ZNF518B: variants seen among roughly 807,000 people sequenced by gnomAD.
ZNF518B encodes zinc finger protein 518B.
A neutral mutation model predicts 56.3 loss-of-function variants in ZNF518B; 23 were observed. That is an observed-to-expected ratio of 0.41 (90% CI 0.29 to 0.58). The LOEUF (loss-of-function observed/expected upper bound fraction) is 0.58, where lower values mean the gene tolerates loss of function less well. Ranked by LOEUF, ZNF518B falls within the 20% of genes least tolerant of loss-of-function variation. The pLI, the probability that ZNF518B is intolerant of heterozygous loss-of-function variation, is 0.32. For missense variants in ZNF518B, 1,460 were observed against 1,272.1 expected, an observed-to-expected ratio of 1.15 and a Z score of -2.25; for synonymous variants, 529 against 465.9, an observed-to-expected ratio of 1.14 and a Z score of -1.74.
At chr4:10,460,103 A>G (rs1264133678), upstream of ZNF518B, among the ~76,000 whole-genome samples, 1 of 151,706 alleles carries the variant, frequency 6.6e-6, no homozygotes, top group Non-Finnish European at 1.5e-5. Flanking sequence ...TCAGGAGTTC[A>G]AGAACAGCCT....
intron 2 of ZNF518B, among the ~76,000 whole-genome samples, chr4:10,450,628 C>G (rs1186186611): frequency 6.6e-6 from 1 of 152,192 alleles, no homozygotes; most frequent in African/African-American, 2.4e-5. Context: ...GTATACACAC[C>G]TGTGAAGCTG....
upstream of ZNF518B, among the ~76,000 whole-genome samples, chr4:10,460,260 G>A (rs906109996): frequency 3.9e-5 from 5 of 128,772 alleles, no homozygotes; most frequent in Non-Finnish European, 6.2e-5. Flanking sequence ...AGCCAAGAAC[G>A]AGCCACTGCA....
upstream of ZNF518B, among the ~76,000 whole-genome samples, chr4:10,460,324 CCAAAAAA>C (rs1715707550): frequency 5.7e-5 from 1 of 17,412 alleles, no homozygotes; most frequent in South Asian, 2.4e-3. Flanking sequence ...AAAAAAAAAA[CCAAAAAA>C]AAAAAAACCG....
At chr4:10,453,621 G>A (rs1171142348) in intron 2 of ZNF518B, 3 of 151,976 alleles carry the variant, frequency 2.0e-5, no homozygotes, top group Non-Finnish European at 4.4e-5. Flanking sequence ...ATACATATAT[G>A]GTAAAAATAA....
chr4:10,452,616 A>G (rs990702399), intron 2 of ZNF518B: 1 of 152,204 alleles, frequency 6.6e-6, no homozygotes, highest in Non-Finnish European at 1.5e-5. Context: ...GTGATGGGGA[A>G]GGCAGGACAT....
rs1476072030 is a variant in ZNF518B at position 10,446,466 on chromosome 4, C to T, written c.-138G>A. 3.9e-6 allele frequency: 3 copies of T among 761,876 alleles called. No homozygotes were observed. Among genetic ancestry groups the T allele is most frequent in the African/African-American group, 3.5e-5 (2 of 56,920 alleles). The allele number at this position is 761,876 out of a possible 1,614,324, so 47.2% of individuals were successfully genotyped here. On this transcript the variant is annotated 5_prime_UTR_variant, in exon 3 of 3. Transcript: ENST00000326756. ...CTTGGGTGCATACTTAATTATCTTT[C>T]TTTATATACTGCCGCAGTAGGTGCA...
intron 2 of ZNF518B, chr4:10,450,843 T>C (rs559625208): frequency 3.3e-5 from 5 of 152,372 alleles, no homozygotes; most frequent in African/African-American, 1.2e-4. Context: ...GACTTTCAGA[T>C]AGCTTAGGAA....
Position 10,446,398 on chromosome 4 carries a change from T to C in ZNF518B, c.-70A>G, listed in dbSNP as rs926077016. The C allele has an allele frequency of 1.2e-5, 17 of 1,439,476 alleles. No homozygotes were observed. The highest frequency in any genetic ancestry group is 1.5e-5 in the Non-Finnish European group (16 of 1,041,336). The allele number at this position is 1,439,476 out of a possible 1,614,324, so 89.2% of individuals were successfully genotyped here. A position where few individuals can be genotyped will look rare whatever the true frequency, so the allele number is the denominator to read the frequency against. ...TTCACATGATAAAATCCTTAGGAGA[T>C]ATCCTTCTATACAGTTTGTGATGGG... On this transcript the variant is annotated 5_prime_UTR_variant, in exon 3 of 3. It adds an upstream start codon to the 5' untranslated region. Transcript: ENST00000326756.
rs1004874706 is a variant in ZNF518B, at chr4:10,440,856, C to CAAACA, written c.*2243_*2247dup. On this transcript the variant is annotated 3_prime_UTR_variant, in exon 3 of 3. Transcript: ENST00000326756. ...TGAGGAATAGGAGATAAAAAAGTGGCAAACAAAACAAAACAAAAAAAAACC... is the reference window on the plus strand; with the variant it reads ...TGAGGAATAGGAGATAAAAAAGTGGCAAACAAAACAAAACAAAACAAAAAAAAACC... 1 of 151,814 alleles carries CAAACA rather than the reference C, an allele frequency of 6.6e-6. No homozygotes were observed. The highest frequency in any genetic ancestry group is 6.6e-5 in the Admixed American group (1 of 15,226). 9.4% of individuals were successfully genotyped at this position (151,814 alleles called of 1,614,324 possible).
upstream of ZNF518B, chr4:10,457,529 C>G (rs1251989427): frequency 6.6e-6 from 1 of 152,292 alleles, no homozygotes; most frequent in East Asian, 1.9e-4. Flanking sequence ...GGCTTCTAAG[C>G]TGTCCAGAGC....
chr4:10,460,292 A>G (rs1350782061), upstream of ZNF518B, among the ~76,000 whole-genome samples: 4 of 130,334 alleles, frequency 3.1e-5, no homozygotes, highest in African/African-American at 1.1e-4. Context: ...GCAACAGGGC[A>G]AGACTCTGTC....
rs375016865 is a variant in ZNF518B at position 10,443,798 on chromosome 4, C to T, written c.2531G>A (p.Arg844Gln). 1.4e-5 allele frequency: 23 copies of T among 1,614,162 alleles called. No individual in the cohort carries two copies. The highest frequency in any genetic ancestry group is 1.6e-4 in the Middle Eastern group (1 of 6,062). ...AGCACTCTCTTTTCTCAGTTTAGGC[C>T]GCAGAGGTGTCTCGATATTTGGGGA... Reference protein sequence around the residue: ...DMSPNIETPLRPKLRKESAVC... With the variant: ...DMSPNIETPLQPKLRKESAVC... The change falls in exon 3 of 3, where the codon CGG (arginine) becomes CAG (glutamine). Residue 844 changes from arginine to glutamine, a missense_variant. By Grantham distance (43) the Arg-to-Gln change is conservative. Coordinates refer to ENST00000326756, the MANE Select transcript of ZNF518B (RefSeq NM_053042.3).
In ZNF518B at chr4:10,444,683, C is replaced by T. The variant is rs1714890765; in HGVS notation, c.1646G>A (p.Ser549Asn). Residue 549 changes from serine (S) to asparagine (N), a missense_variant, in exon 3 of 3, where the codon AGT (serine) becomes AAT (asparagine). Coordinates refer to ENST00000326756, the MANE Select transcript of ZNF518B (RefSeq NM_053042.3). ...FSGEKGLLPV[S>N]ENDLESTSKV... is the part of the protein sequence containing the mutation. The stretch of plus-strand genomic sequence containing the variant: ...ACTTGTAGATTCCAAGTCATTTTCA[C>T]TTACAGGCAATAAGCCCTTTTCTCC... 2 of 1,614,200 alleles carry T rather than the reference C, an allele frequency of 1.2e-6. No individual in the cohort carries two copies. Among genetic ancestry groups the T allele is most frequent in the African/African-American group, 1.3e-5 (1 of 75,048 alleles).
intron 2 of ZNF518B, among the ~76,000 whole-genome samples, chr4:10,446,774 G>A (rs1380111786): frequency 6.6e-6 from 1 of 152,168 alleles, no homozygotes; most frequent in Non-Finnish European, 1.5e-5. Context: ...AATGAACACA[G>A]ATATACCAGG....
chr4:10,460,283 C>A (rs1305591519), upstream of ZNF518B, among the ~76,000 whole-genome samples: 1 of 116,846 alleles, frequency 8.6e-6, no homozygotes, highest in East Asian at 2.6e-4. Flanking sequence ...CCAGCATGGG[C>A]AACAGGGCAA....
At chr4:10,460,650 C>T (rs1577231581), upstream of ZNF518B, among the ~76,000 whole-genome samples, 1 of 152,192 alleles carries the variant, frequency 6.6e-6, no homozygotes, top group African/African-American at 2.4e-5. Flanking sequence ...GAGAGCCCTT[C>T]ATCAAATTCT....
upstream of ZNF518B, among the ~76,000 whole-genome samples, chr4:10,460,628 ACT>A (rs1264242984): frequency 6.6e-6 from 1 of 152,078 alleles, no homozygotes; most frequent in African/African-American, 2.4e-5. Context: ...GCGTCTACAG[ACT>A]CTGATCTTAG....
In ZNF518B at chr4:10,445,276, C is replaced by T. The variant is rs767220393; in HGVS notation, c.1053G>A (p.Lys351=). 8.1e-6 allele frequency: 13 copies of T among 1,614,078 alleles called. No homozygotes were observed. The highest frequency in any genetic ancestry group is 3.3e-5 in the South Asian group (3 of 91,072). Residue 351 remains lysine (K), a synonymous_variant, in exon 3 of 3, where the codon AAG becomes AAA. Transcript: ENST00000326756. Reference sequence around the variant, plus strand: ...CAAGCTGCTGTGTACCATTGACAACCTTCACATCTATCAACTGGGCTAAAC... The same window carrying T: ...CAAGCTGCTGTGTACCATTGACAACTTTCACATCTATCAACTGGGCTAAAC... ...ANCLAQLIDV[K]VVNGTQQLVL...
At chr4:10,450,743 A>G (rs1715267725) in intron 2 of ZNF518B, 1 of 152,210 alleles carries the variant, frequency 6.6e-6, no homozygotes, top group Non-Finnish European at 1.5e-5. Context: ...AAGGGTACTC[A>G]ATAAATTACT....
Sources: allele counts gnomAD v4.1 joint callset (sites outside exome capture counted in the v4.1 genomes callset), GRCh38; gene constraint gnomAD v4.1.1; transcripts MANE v1.5; gene names NCBI Gene and HGNC (gene_info 2026-07-23, HGNC 2026-07-21).